KATNAL1: variants seen among roughly 807,000 people sequenced by gnomAD.
KATNAL1 encodes the protein katanin p60 ATPase-containing subunit A-like 1.
In KATNAL1, 32 loss-of-function variants were observed where a neutral mutation model predicts 55.2. The observed-to-expected ratio is 0.58, with a 90% CI of 0.44 to 0.78. The LOEUF (loss-of-function observed/expected upper bound fraction) is 0.78, where lower values mean the gene tolerates loss of function less well. KATNAL1 is among the 30% of genes least tolerant of loss of function. The pLI is 0.00. For missense variants in KATNAL1, 466 were observed against 600.9 expected (o/e 0.78, Z 2.35); for synonymous variants, 193 against 193.6 (o/e 1.00, Z 0.02).
At chr13:30,246,562 A>G (rs558141708) in intron 4 of KATNAL1, among the ~76,000 whole-genome samples, 2 of 152,358 alleles carry the variant, frequency 1.3e-5, no homozygotes, top group East Asian at 3.9e-4. Flanking sequence ...TAAACTAAAG[A>G]GCTTCTGCAC....
intron 1 of KATNAL1, among the ~76,000 whole-genome samples, chr13:30,294,177 CT>C (rs1882323897): frequency 6.6e-6 from 1 of 152,186 alleles, no homozygotes; most frequent in Non-Finnish European, 1.5e-5. Context: ...ATGTCTCTCA[CT>C]TGAAATCAAG....
chr13:30,293,553 T>A (rs6490452), intron 1 of KATNAL1, among the ~76,000 whole-genome samples: 89,273 of 152,022 alleles, frequency 0.59, 28,464 homozygotes, highest in African/African-American at 0.85. Flanking sequence ...ATACAATTAA[T>A]TCCACTAATT....
intron 9 of KATNAL1, among the ~76,000 whole-genome samples, chr13:30,217,878 T>C (rs1874446883): frequency 6.6e-6 from 1 of 152,260 alleles, no homozygotes; most frequent in South Asian, 2.1e-4. Flanking sequence ...AACAGGACTC[T>C]GGGGAGACAG....
intron 3 of KATNAL1, among the ~76,000 whole-genome samples, chr13:30,270,083 A>G (rs1880170578): frequency 8.6e-6 from 1 of 116,320 alleles, no homozygotes; most frequent in Admixed American, 8.4e-5. Context: ...GGGGGGGGTC[A>G]GCCCCCCGCC....
intron 3 of KATNAL1, among the ~76,000 whole-genome samples, chr13:30,263,889 T>C (rs1165701053): frequency 6.7e-6 from 1 of 149,572 alleles, no homozygotes; most frequent in Non-Finnish European, 1.5e-5. Context: ...AAAGTTCATA[T>C]GGAACCAAAA....
At chr13:30,273,455 G>A (rs781226041) in intron 3 of KATNAL1, among the ~76,000 whole-genome samples, 6 of 152,100 alleles carry the variant, frequency 3.9e-5, no homozygotes, top group Non-Finnish European at 5.9e-5. Flanking sequence ...CCTCAGTGTC[G>A]TCTTCTAAAA....
At chr13:30,210,499 G>A (rs1363506671) in intron 9 of KATNAL1, 57 bp from the exon 10 acceptor site, 1 of 1,519,470 alleles carries the variant, frequency 6.6e-7, no homozygotes, top group East Asian at 2.3e-5. Flanking sequence ...TAATTTTGCT[G>A]AGAAATGACA....
At chr13:30,292,049 G>T (rs1882170564) in intron 1 of KATNAL1, among the ~76,000 whole-genome samples, 1 of 151,958 alleles carries the variant, frequency 6.6e-6, no homozygotes, top group Non-Finnish European at 1.5e-5. Context: ...AAAAAATAAA[G>T]TTACGGTAAT....
At chr13:30,217,179 G>A (rs1370413109) in intron 9 of KATNAL1, among the ~76,000 whole-genome samples, 3 of 152,186 alleles carry the variant, frequency 2.0e-5, no homozygotes, top group Non-Finnish European at 2.9e-5. Context: ...ATGGCCAGGC[G>A]CGGCGGCTCA....
chr13:30,222,194 G>T (rs1874941788), intron 9 of KATNAL1, among the ~76,000 whole-genome samples: 1 of 152,152 alleles, frequency 6.6e-6, no homozygotes, highest in South Asian at 2.1e-4. Context: ...CCAATGGAAG[G>T]TCTGAATAAA....
At chr13:30,290,228 C>G (rs1882045641) in intron 1 of KATNAL1, among the ~76,000 whole-genome samples, 1 of 151,250 alleles carries the variant, frequency 6.6e-6, no homozygotes, top group Non-Finnish European at 1.5e-5. Flanking sequence ...AAATAGAAAA[C>G]AGAAAAACAA....
At chr13:30,257,182 T>A (rs144599799) in intron 3 of KATNAL1, among the ~76,000 whole-genome samples, 3,245 of 149,382 alleles carry the variant, frequency 0.022, 44 homozygotes, top group Non-Finnish European at 0.034. Flanking sequence ...TTGACCTAAT[T>A]TTTTTTTTTT....
chr13:30,277,768 G>C (rs1880952626), intron 3 of KATNAL1, among the ~76,000 whole-genome samples: 1 of 151,816 alleles, frequency 6.6e-6, no homozygotes, highest in African/African-American at 2.4e-5. Flanking sequence ...CGGATCACGA[G>C]GTCAGGAGAT....
chr13:30,279,886 C>CATTT (rs1397034694), intron 3 of KATNAL1, among the ~76,000 whole-genome samples, 177 bp downstream of exon 3: 3 of 152,154 alleles, frequency 2.0e-5, no homozygotes, highest in Non-Finnish European at 4.4e-5. Flanking sequence ...TGTAACAAGT[C>CATTT]ATTTACTTCT....
intron 1 of KATNAL1, 102 bp from the exon 2 acceptor site, chr13:30,283,893 TGAAACAGAGAC>T: frequency 1.3e-6 from 1 of 772,604 alleles, no homozygotes; most frequent in Non-Finnish European, 1.9e-6. Flanking sequence ...TTTTTTTTTT[TGAAACAGAGAC>T]TCACTTTATT....
intron 6 of KATNAL1, among the ~76,000 whole-genome samples, chr13:30,239,892 G>T (rs564208612): frequency 6.6e-6 from 1 of 151,904 alleles, no homozygotes. Flanking sequence ...CACCATGTTG[G>T]GCAGGATGGT....
chr13:30,212,502 C>T (rs990180156), intron 9 of KATNAL1, among the ~76,000 whole-genome samples: 1 of 152,226 alleles, frequency 6.6e-6, no homozygotes, highest in Non-Finnish European at 1.5e-5. Flanking sequence ...CCGAGCTCAG[C>T]CTGCCAGGCC....
At chr13:30,280,935 T>C (rs1167101351) in intron 2 of KATNAL1, among the ~76,000 whole-genome samples, 1 of 151,966 alleles carries the variant, frequency 6.6e-6, no homozygotes, top group Non-Finnish European at 1.5e-5. Flanking sequence ...AAAAATTACA[T>C]TCAAGACCAG....
intron 7 of KATNAL1, 148 bp downstream of exon 7, chr13:30,231,166 C>T (rs1038084343): frequency 2.0e-5 from 11 of 549,558 alleles, no homozygotes; most frequent in African/African-American, 1.5e-4. Context: ...CAAAACCCAT[C>T]ACCCCAATTC....
Sources: allele counts gnomAD v4.1 joint callset (sites outside exome capture counted in the v4.1 genomes callset), GRCh38; gene constraint gnomAD v4.1.1; transcripts MANE v1.5; gene names NCBI Gene and HGNC (gene_info 2026-07-23, HGNC 2026-07-21).